The following ZNF469 variants were observed in gnomAD, a reference collection of about 807,000 sequenced individuals.
The protein encoded by ZNF469 is zinc finger protein 469.
Under a neutral mutation model 1.0 loss-of-function variants are expected in ZNF469, and 1 was observed. That is an observed-to-expected ratio of 1.00 (90% CI 0.35 to 4.73). The LOEUF is 4.73. ZNF469 is among the 30% of genes most tolerant of loss of function. The pLI is 0.16. For missense variants in ZNF469, 6,100 were observed against 5,356.3 expected (o/e 1.14, Z -4.33); for synonymous variants, 2,703 against 2,363.4 (o/e 1.14, Z -4.17).
chr16:88,432,621 C>A lies in ZNF469; in HGVS notation c.5151C>A (p.Pro1717=), dbSNP rs768346137. The A allele has an allele frequency of 9.0e-6, 14 of 1,550,328 alleles. No individual in the cohort carries two copies. The highest frequency in any genetic ancestry group is 5.5e-5 in the African/African-American group (4 of 73,060). ...AGGCAGAAGGAGACAGCAGGCCCCC[C>A]CAAGATGTCTGCCTGCCTGAGCCCA... ...LCQAEGDSRP[P]QDVCLPEPSK... is the part of the protein sequence containing the mutation. The change falls in exon 3 of 3, where the codon CCC becomes CCA. Residue 1717 remains proline, a synonymous_variant. Transcript: ENST00000565624.
the ZNF469 span, among the ~76,000 whole-genome samples, chr16:88,146,880 G>A: frequency 6.6e-6 from 1 of 152,042 alleles, no homozygotes; most frequent in Non-Finnish European, 1.5e-5. Flanking sequence ...GGCCGGAAGA[G>A]CACGCTGGAA....
intron 1 of ZNF469, among the ~76,000 whole-genome samples, chr16:88,398,479 G>A (rs66912547): frequency 0.41 from 62,490 of 151,424 alleles, 13,078 homozygotes; most frequent in Non-Finnish European, 0.45. Flanking sequence ...GTGAGCCACG[G>A]ATGAAGGGGG....
chr16:88,233,828 G>A, the ZNF469 span, among the ~76,000 whole-genome samples: 113,592 of 152,196 alleles, frequency 0.75, 44,071 homozygotes, highest in Middle Eastern at 0.87. Flanking sequence ...TTTGGTGAGC[G>A]CAGTGCAGCC....
the ZNF469 span, among the ~76,000 whole-genome samples, chr16:88,299,030 C>T: frequency 8.5e-5 from 13 of 152,080 alleles, no homozygotes; most frequent in African/African-American, 2.7e-4. Context: ...GAGCCCCACA[C>T]AGATGAGTGT....
the ZNF469 span, among the ~76,000 whole-genome samples, chr16:88,249,593 C>T: frequency 1.6e-3 from 248 of 151,954 alleles, no homozygotes; most frequent in African/African-American, 5.6e-3. Context: ...CCTGCCACCA[C>T]GCCGGGCCAA....
chr16:88,300,609 T>C, the ZNF469 span, among the ~76,000 whole-genome samples: 1 of 151,990 alleles, frequency 6.6e-6, no homozygotes, highest in Non-Finnish European at 1.5e-5. Flanking sequence ...GGCACACCAT[T>C]GTGTCTAACA....
the ZNF469 span, among the ~76,000 whole-genome samples, chr16:88,119,517 C>T: frequency 6.6e-6 from 1 of 152,232 alleles, no homozygotes; most frequent in Non-Finnish European, 1.5e-5. Context: ...AACCAAATAC[C>T]AAAGTTTTCG....
At chr16:88,336,089 AC>A in the ZNF469 span, among the ~76,000 whole-genome samples, 2 of 141,620 alleles carry the variant, frequency 1.4e-5, no homozygotes, top group African/African-American at 5.3e-5. Flanking sequence ...CCAACACCAC[AC>A]ATGTTCATCC....
At chr16:88,364,381 C>G in the ZNF469 span, among the ~76,000 whole-genome samples, 1 of 148,366 alleles carries the variant, frequency 6.7e-6, no homozygotes, top group African/African-American at 2.5e-5. Context: ...GTCACAATAT[C>G]TTGTGGTGGA....
the ZNF469 span, among the ~76,000 whole-genome samples, chr16:88,198,114 C>T: frequency 3.2e-4 from 48 of 152,376 alleles, no homozygotes; most frequent in African/African-American, 1.1e-3. Flanking sequence ...CTCCTGAGTA[C>T]CTGCTGTGTG....
the ZNF469 span, among the ~76,000 whole-genome samples, chr16:88,275,532 G>A: frequency 3.9e-5 from 6 of 152,168 alleles, no homozygotes; most frequent in African/African-American, 1.4e-4. Flanking sequence ...GCGGGAGGGT[G>A]CCTGGAGTGG....
the ZNF469 span, among the ~76,000 whole-genome samples, chr16:88,359,174 C>T: frequency 6.6e-6 from 1 of 152,022 alleles, no homozygotes; most frequent in Non-Finnish European, 1.5e-5. Context: ...CCTGCATTTG[C>T]TATTGTCTGC....
intron 1 of ZNF469, among the ~76,000 whole-genome samples, chr16:88,408,930 G>A (rs1905078064): frequency 6.6e-6 from 1 of 152,270 alleles, no homozygotes; most frequent in Non-Finnish European, 1.5e-5. Flanking sequence ...AGCGGGGAGG[G>A]AGGGGCTTTC....
chr16:88,247,842 T>C, the ZNF469 span, among the ~76,000 whole-genome samples: 1 of 152,262 alleles, frequency 6.6e-6, no homozygotes, highest in African/African-American at 2.4e-5. Context: ...AGTGTATGAA[T>C]GAGTGACTGC....
In ZNF469 at chr16:88,422,137, TGGGTGAAC is replaced by T. The variant is rs1196418018; in HGVS notation, c.-191-2664_-191-2657del. Among the ~76,000 whole-genome samples the T allele has an allele frequency of 3.9e-4, 56 of 142,722 alleles. 1 individual carries two copies. The highest frequency in any genetic ancestry group is 7.6e-4 in the Admixed American group (11 of 14,476). The allele number at this position is 142,722 out of a possible 152,430, so 93.6% of individuals were successfully genotyped here. On this transcript the variant is annotated intron_variant, in intron 1 of 2. Transcript: ENST00000565624. ...AGTGGGTGGATAGATGGGTGAGTGATGGGTGAACGGGTGGGTGGATGGGCAGGTGGATG... is the reference window on the plus strand; with the variant it reads ...AGTGGGTGGATAGATGGGTGAGTGATGGGTGGGTGGATGGGCAGGTGGATG...
At chr16:88,237,169 T>A in the ZNF469 span, among the ~76,000 whole-genome samples, 11 of 51,446 alleles carry the variant, frequency 2.1e-4, 2 homozygotes, top group Admixed American at 7.4e-4. Flanking sequence ...CCTGCCCTCC[T>A]TGCTCCTGCC....
At chr16:88,232,664 A>G in the ZNF469 span, among the ~76,000 whole-genome samples, 2 of 152,202 alleles carry the variant, frequency 1.3e-5, no homozygotes, top group Non-Finnish European at 2.9e-5. Flanking sequence ...GCCTGCGGCA[A>G]GAGGGTAGCT....
the ZNF469 span, among the ~76,000 whole-genome samples, chr16:88,334,980 C>T: frequency 6.6e-6 from 1 of 151,820 alleles, no homozygotes; most frequent in South Asian, 2.1e-4. Context: ...GGAGGGGGAG[C>T]CGTGTGGGAA....
chr16:88,218,747 A>G, the ZNF469 span, among the ~76,000 whole-genome samples: 1 of 151,970 alleles, frequency 6.6e-6, no homozygotes, highest in Non-Finnish European at 1.5e-5. Flanking sequence ...TATTCCACAT[A>G]GTGTTGGAAG....
Sources: gnomAD v4.1 joint callset for allele counts (sites outside exome capture counted in the v4.1 genomes callset) on GRCh38, gnomAD v4.1.1 for gene constraint, MANE v1.5 for transcripts, NCBI Gene and HGNC (gene_info 2026-07-23, HGNC 2026-07-21) for gene names.